Variants in SPARCL1 observed in about 807,000 individuals in gnomAD.
The protein encoded by SPARCL1 is SPARC-like protein 1.
In SPARCL1, 52 loss-of-function variants were observed where a neutral mutation model predicts 67.1. The ratio of observed to expected loss-of-function variants is 0.78; its 90% confidence interval spans 0.62 to 0.98. The LOEUF is 0.98. SPARCL1 is among the 50% of genes least tolerant of loss of function. SPARCL1 has a pLI of 0.00. For synonymous variants in SPARCL1, 226 were observed against 267.8 expected (o/e 0.84, Z 1.52); for missense variants, 717 against 782.4 (o/e 0.92, Z 1.00).
intron 10 of SPARCL1, among the ~76,000 whole-genome samples, chr4:87,478,509 C>T (rs1309067945): frequency 6.6e-6 from 1 of 150,542 alleles, no homozygotes; most frequent in Non-Finnish European, 1.5e-5. Flanking sequence ...GGGATCTTGG[C>T]TTACTGCAAA....
chr4:87,476,486 T>C (rs1723589168), intron 10 of SPARCL1, among the ~76,000 whole-genome samples: 1 of 152,180 alleles, frequency 6.6e-6, no homozygotes, highest in Admixed American at 6.5e-5. Flanking sequence ...AGAATCCATC[T>C]TAAATACAAA....
At chr4:87,506,950 C>T (rs142624990) in intron 1 of SPARCL1, among the ~76,000 whole-genome samples, 38 of 152,248 alleles carry the variant, frequency 2.5e-4, no homozygotes, top group African/African-American at 7.9e-4. Flanking sequence ...TGCCTGATAC[C>T]TAGGAGATGC....
At chr4:87,493,523 A>G (rs1724440616) in intron 4 of SPARCL1, 59 bp downstream of exon 4, 2 of 1,476,674 alleles carry the variant, frequency 1.4e-6, no homozygotes, top group African/African-American at 1.4e-5. Context: ...GAGAAAGGTC[A>G]TGACTGTTTA....
chr4:87,506,447 C>G (rs1197986148), intron 1 of SPARCL1, among the ~76,000 whole-genome samples: 1 of 152,180 alleles, frequency 6.6e-6, no homozygotes, highest in African/African-American at 2.4e-5. Context: ...GCAGATTGCT[C>G]TACCCAATGT....
At chr4:87,481,572 C>T (rs1458636418) in intron 8 of SPARCL1, among the ~76,000 whole-genome samples, 1 of 152,160 alleles carries the variant, frequency 6.6e-6, no homozygotes, top group African/African-American at 2.4e-5. Context: ...ATGACTTTGA[C>T]ATGCTAAATC....
At chr4:87,509,861 G>C (rs777932976) in intron 1 of SPARCL1, among the ~76,000 whole-genome samples, 13 of 152,224 alleles carry the variant, frequency 8.5e-5, no homozygotes, top group Non-Finnish European at 1.5e-4. Flanking sequence ...TTGTATGTGT[G>C]ACAGCTGTGT....
intron 1 of SPARCL1, among the ~76,000 whole-genome samples, chr4:87,515,650 G>A (rs1424167164): frequency 1.1e-4 from 16 of 152,212 alleles, no homozygotes; most frequent in Non-Finnish European, 2.4e-4. Flanking sequence ...AACCTCAGCT[G>A]GAATTTTAAA....
At chr4:87,526,124 C>A (rs1353389844) in intron 1 of SPARCL1, among the ~76,000 whole-genome samples, 1 of 152,106 alleles carries the variant, frequency 6.6e-6, no homozygotes, top group East Asian at 1.9e-4. Flanking sequence ...AGCAGCATTT[C>A]TTCTCACTCT....
chr4:87,493,842 G>A lies in SPARCL1; in HGVS notation c.958C>T (p.Leu320=). ...CCATCATCAGTAGGTTCCATGAGCA[G>A]AGCCTCAGAAACAGTCTTTTCTTCT... ...ETEEKTVSEA[L]LMEPTDDGNT... The change falls in exon 4 of 11, where the codon CTG becomes TTG. Residue 320 remains leucine (L), a synonymous_variant. Transcript: ENST00000282470. 1 of 1,614,150 alleles carries A rather than the reference G, an allele frequency of 6.2e-7. No individual in the cohort carries two copies. Among genetic ancestry groups the A allele is most frequent in the South Asian group, 1.1e-5 (1 of 91,080 alleles).
At position 87,490,346 on chromosome 4, in the gene SPARCL1, G is replaced by T; in HGVS notation, c.1458C>A (p.Phe486Leu). ...NQTYASSCHL[F>L]ATKCRLEGTK... ...TCCCCTCCAGTCTGCATTTAGTAGC[G>T]AATAGATGACAGGAACTAGCATAGG... Residue 486 changes from phenylalanine (F) to leucine (L), a missense_variant, in exon 7 of 11, where the codon TTC (phenylalanine) becomes TTA (leucine). Coordinates refer to ENST00000282470, the MANE Select transcript of SPARCL1 (RefSeq NM_004684.6). 1 of 1,613,312 alleles carries T rather than the reference G, an allele frequency of 6.2e-7. No homozygotes were observed. The highest frequency in any genetic ancestry group is 8.5e-7 in the Non-Finnish European group (1 of 1,179,656).
At chr4:87,502,684 A>G (rs1724900681) in intron 1 of SPARCL1, among the ~76,000 whole-genome samples, 1 of 151,540 alleles carries the variant, frequency 6.6e-6, no homozygotes, top group African/African-American at 2.4e-5. Flanking sequence ...TTCCCCAGTT[A>G]GTTTGTTTTG....
intron 4 of SPARCL1, among the ~76,000 whole-genome samples, chr4:87,492,417 CA>C (rs1217416962): frequency 0.18 from 13,258 of 75,168 alleles, 1,797 homozygotes; most frequent in African/African-American, 0.44. Flanking sequence ...GACTCCGTCT[CA>C]AAAAAAAAAA....
intron 1 of SPARCL1, among the ~76,000 whole-genome samples, chr4:87,507,970 G>A (rs1396512092): frequency 2.0e-5 from 3 of 152,198 alleles, no homozygotes; most frequent in Admixed American, 2.0e-4. Context: ...GGTGAGGTAT[G>A]GGGGAAGGGG....
At chr4:87,503,683 CT>C (rs60057481) in intron 1 of SPARCL1, among the ~76,000 whole-genome samples, 140 of 138,012 alleles carry the variant, frequency 1.0e-3, no homozygotes, top group Middle Eastern at 4.0e-3. Context: ...TTTTTTTTTC[CT>C]TTTTTTTTTT....
In SPARCL1 at chr4:87,483,087, T is replaced by G. The variant is rs545515217; in HGVS notation, c.1532-527A>C. 3.3e-5 allele frequency among the ~76,000 whole-genome samples: 5 copies of G among 152,028 alleles called. No homozygotes were observed. The South Asian group carries it at 1.0e-3, about 32-fold the overall frequency. ...CCAGAGCTCAGGATCACTGCCGTTTTTTTTTTTTTTTAATTATACTTTAAG... is the reference window on the plus strand; with the variant it reads ...CCAGAGCTCAGGATCACTGCCGTTTGTTTTTTTTTTTAATTATACTTTAAG... On this transcript the variant is annotated intron_variant, in intron 7 of 10. Transcript: ENST00000282470.
chr4:87,511,147 A>G lies in SPARCL1; in HGVS notation c.-11-11562T>C, dbSNP rs370569671. ...GAGGATCAGTCACACCATGAAAACCATCAAGTGTCACCCACCTCTCCCTCT... is the reference window on the plus strand; with the variant it reads ...GAGGATCAGTCACACCATGAAAACCGTCAAGTGTCACCCACCTCTCCCTCT... On this transcript the variant is annotated intron_variant, in intron 1 of 10. Transcript: ENST00000282470. 5.9e-5 allele frequency among the ~76,000 whole-genome samples: 9 copies of G among 152,328 alleles called. No homozygotes were observed. The East Asian group carries it at 1.5e-3, about 26-fold the overall frequency.
chr4:87,479,329 C>T, intron 10 of SPARCL1, 101 bp downstream of exon 10: 1 of 1,275,548 alleles, frequency 7.8e-7, no homozygotes, highest in Admixed American at 2.3e-5. Context: ...TTTCTAGCTT[C>T]CAATTCGAAC....
chr4:87,473,849 G>A, intron 10 of SPARCL1, 46 bp from the exon 11 acceptor site: 2 of 1,333,520 alleles, frequency 1.5e-6, no homozygotes, highest in South Asian at 2.4e-5. Flanking sequence ...AAAGTAGCCA[G>A]AGTAGTAGCA....
chr4:87,502,012 A>G (rs763001268), intron 1 of SPARCL1, among the ~76,000 whole-genome samples: 13 of 151,064 alleles, frequency 8.6e-5, no homozygotes, highest in Non-Finnish European at 1.2e-4. Context: ...CATGATACCC[A>G]GGCTGGTATC....
Sources: allele counts gnomAD v4.1 joint callset (sites outside exome capture counted in the v4.1 genomes callset), GRCh38; gene constraint gnomAD v4.1.1; transcripts MANE v1.5; gene names NCBI Gene and HGNC (gene_info 2026-07-23, HGNC 2026-07-21).